FRMD4B: variants seen among roughly 807,000 people sequenced by gnomAD.
FRMD4B encodes FERM domain-containing protein 4B.
In FRMD4B, 74 loss-of-function variants were observed where a neutral mutation model predicts 141.5. That is an observed-to-expected ratio of 0.52 (90% CI 0.43 to 0.63). FRMD4B has a LOEUF of 0.63. Ranked by LOEUF, FRMD4B falls within the 30% of genes least tolerant of loss-of-function variation. FRMD4B has a pLI of 0.00. For synonymous variants in FRMD4B, 506 were observed against 467.9 expected, an observed-to-expected ratio of 1.08 and a Z score of -1.05; for missense variants, 1,366 against 1,253.4, an observed-to-expected ratio of 1.09 and a Z score of -1.36.
chr3:69,219,029 G>C (rs1033734589), intron 9 of FRMD4B, among the ~76,000 whole-genome samples: 1 of 152,020 alleles, frequency 6.6e-6, no homozygotes, highest in Admixed American at 6.6e-5. Context: ...GCTGGGTGTG[G>C]TGGCGGACAC....
chr3:69,208,955 C>G (rs751330444), intron 11 of FRMD4B, among the ~76,000 whole-genome samples: 3 of 152,036 alleles, frequency 2.0e-5, no homozygotes, highest in Non-Finnish European at 4.4e-5. Flanking sequence ...GCCAGCCTGG[C>G]CAACGTGGTG....
intron 1 of FRMD4B, among the ~76,000 whole-genome samples, chr3:69,371,055 T>C (rs1703810783): frequency 1.3e-5 from 2 of 151,934 alleles, no homozygotes; most frequent in Admixed American, 1.3e-4. Flanking sequence ...TAGAGTCAGG[T>C]GGTGTGGTGA....
At chr3:69,491,174 G>C (rs1706295929) in intron 1 of FRMD4B, among the ~76,000 whole-genome samples, 1 of 152,186 alleles carries the variant, frequency 6.6e-6, no homozygotes, top group Non-Finnish European at 1.5e-5. Flanking sequence ...TCCCAGGGGA[G>C]TTCAAACAAT....
intron 1 of FRMD4B, among the ~76,000 whole-genome samples, chr3:69,330,506 C>A (rs1223120407): frequency 6.6e-6 from 1 of 151,596 alleles, no homozygotes; most frequent in Non-Finnish European, 1.5e-5. Context: ...GGAAATATAC[C>A]TGGCTAATTT....
intron 5 of FRMD4B, among the ~76,000 whole-genome samples, chr3:69,280,988 T>C (rs1391167736): frequency 1.3e-5 from 2 of 151,898 alleles, no homozygotes; most frequent in Non-Finnish European, 2.9e-5. Context: ...TGGAGTGCGA[T>C]GGTGCGATCT....
At chr3:69,506,213 A>C (rs1327413132) in intron 1 of FRMD4B, among the ~76,000 whole-genome samples, 1 of 152,116 alleles carries the variant, frequency 6.6e-6, no homozygotes, top group Non-Finnish European at 1.5e-5. Context: ...ATTGGCCCTG[A>C]TCTTCACCCC....
At chr3:69,291,912 T>C (rs746112514) in intron 4 of FRMD4B, among the ~76,000 whole-genome samples, 13 of 14,946 alleles carry the variant, frequency 8.7e-4, no homozygotes, top group Middle Eastern at 0.1. Context: ...AGGAATCTCT[T>C]TTTTTTTTTT....
chr3:69,478,535 T>C (rs1706044790), intron 1 of FRMD4B, among the ~76,000 whole-genome samples: 1 of 152,366 alleles, frequency 6.6e-6, no homozygotes, highest in African/African-American at 2.4e-5. Flanking sequence ...TTCTTAATCC[T>C]GAGTTCTAGT....
chr3:69,465,042 C>T (rs1049953829), intron 1 of FRMD4B, among the ~76,000 whole-genome samples: 2 of 152,172 alleles, frequency 1.3e-5, no homozygotes, highest in Non-Finnish European at 2.9e-5. Flanking sequence ...AATCTTCATC[C>T]AGGCGTGGTG....
chr3:69,177,613 G>A (rs184600429), intron 21 of FRMD4B, among the ~76,000 whole-genome samples: 1 of 152,330 alleles, frequency 6.6e-6, no homozygotes, highest in East Asian at 1.9e-4. Flanking sequence ...TTGCACCACT[G>A]CACTACAGCC....
At chr3:69,441,335 A>T (rs756837406) in intron 1 of FRMD4B, among the ~76,000 whole-genome samples, 1 of 152,078 alleles carries the variant, frequency 6.6e-6, no homozygotes, top group Non-Finnish European at 1.5e-5. Flanking sequence ...ATACCAAGCT[A>T]ATTTTATTTT....
chr3:69,374,208 C>T (rs993661449), intron 1 of FRMD4B, among the ~76,000 whole-genome samples: 1 of 152,060 alleles, frequency 6.6e-6, no homozygotes, highest in African/African-American at 2.4e-5. Context: ...ACCTTTATAC[C>T]AAACTTAAAA....
At chr3:69,267,632 TATATAGAGAGAGAGAGAG>T (rs1559765482) in intron 5 of FRMD4B, among the ~76,000 whole-genome samples, 51 of 10,554 alleles carry the variant, frequency 4.8e-3, no homozygotes, top group African/African-American at 0.015. Context: ...TATATATATA[TATATAGAGAGAGAGAGAG>T]AGAGAGAGAG....
intron 7 of FRMD4B, among the ~76,000 whole-genome samples, chr3:69,239,711 G>A (rs985893239): frequency 6.6e-6 from 1 of 152,094 alleles, no homozygotes; most frequent in Non-Finnish European, 1.5e-5. Context: ...CTGTTTAATG[G>A]GTGCAGAGTT....
chr3:69,322,569 T>C (rs537051855), intron 1 of FRMD4B, among the ~76,000 whole-genome samples: 26 of 150,524 alleles, frequency 1.7e-4, no homozygotes, highest in African/African-American at 6.1e-4. Flanking sequence ...CCAGGGAGAG[T>C]CATTGTTTAG....
At chr3:69,287,962 C>T (rs1015089479) in intron 4 of FRMD4B, 126 bp from the exon 5 acceptor site, 24 of 583,522 alleles carry the variant, frequency 4.1e-5, no homozygotes, top group South Asian at 2.2e-4. Flanking sequence ...CTTTCTTTTC[C>T]GTTTTAAAAG....
rs533821715 is a variant in FRMD4B at position 69,226,543 on chromosome 3, C to T, written c.582-1853G>A. On this transcript the variant is annotated intron_variant, in intron 7 of 22. Coordinates refer to ENST00000398540, the MANE Select transcript of FRMD4B (RefSeq NM_015123.3). ...AAAAATGATAAATTCAGGACAACAT[C>T]GTGTTATGAAATCATCCCCATCGAC... Among the ~76,000 whole-genome samples the T allele has an allele frequency of 3.3e-5, 5 of 151,688 alleles. No individual in the cohort carries two copies. The South Asian group carries it at 6.3e-4, about 19-fold the overall frequency.
intron 5 of FRMD4B, among the ~76,000 whole-genome samples, chr3:69,266,118 T>G (rs1309645584): frequency 6.6e-6 from 1 of 151,920 alleles, no homozygotes; most frequent in Non-Finnish European, 1.5e-5. Context: ...GGGAGAATCA[T>G]TTGAGCCTGG....
intron 1 of FRMD4B, among the ~76,000 whole-genome samples, chr3:69,326,506 A>G (rs1389683202): frequency 6.6e-6 from 1 of 152,236 alleles, no homozygotes; most frequent in Non-Finnish European, 1.5e-5. Context: ...TCTCATCTCC[A>G]TAAAATGCAA....
Sources: gnomAD v4.1 joint callset for allele counts (sites outside exome capture counted in the v4.1 genomes callset) on GRCh38, gnomAD v4.1.1 for gene constraint, MANE v1.5 for transcripts, NCBI Gene and HGNC (gene_info 2026-07-23, HGNC 2026-07-21) for gene names.